The following TFAM variants were observed in gnomAD, a reference collection of about 807,000 sequenced individuals.
TFAM encodes the protein mitochondrial transcription factor 1.
Under a neutral mutation model 30.6 loss-of-function variants are expected in TFAM, and 13 were observed. The observed-to-expected ratio is 0.42, with a 90% CI of 0.28 to 0.67. The LOEUF is 0.67. Among genes scored for constraint, TFAM ranks in the 30% least tolerant of loss-of-function variants. The pLI, the probability that TFAM is intolerant of heterozygous loss-of-function variation, is 0.21. For synonymous variants in TFAM, 106 were observed against 94.8 expected (o/e 1.12, Z -0.69); for missense variants, 231 against 293.7 (o/e 0.79, Z 1.56).
At chr10:58,389,358 C>G (rs963270129) in intron 4 of TFAM, among the ~76,000 whole-genome samples, 3 of 151,940 alleles carry the variant, frequency 2.0e-5, no homozygotes, top group African/African-American at 7.3e-5. Context: ...TTGTAGTTCC[C>G]AGCTTAATGT....
rs1840740454 is a variant in TFAM at position 58,399,013 on chromosome 10, A to G, written c.*3939A>G. 1 of 152,236 alleles carries G rather than the reference A, an allele frequency of 6.6e-6. No individual in the cohort carries two copies. Among genetic ancestry groups the G allele is most frequent in the Non-Finnish European group, 1.5e-5 (1 of 68,044 alleles). The allele number at this position is 152,236 out of a possible 1,614,324, so 9.4% of individuals were successfully genotyped here. A position where few individuals can be genotyped will look rare whatever the true frequency, so the allele number is the denominator to read the frequency against. The stretch of plus-strand genomic sequence containing the variant: ...GTAAAATTTTCCAAAGTAAAACCAT[A>G]CAAAGCTAGTGTCAGTCTCTCTCAT... On this transcript the variant is annotated 3_prime_UTR_variant, in exon 7 of 7. Transcript: ENST00000487519.
chr10:58,388,117 C>A, intron 2 of TFAM, 73 bp from the exon 3 acceptor site: 2 of 1,205,726 alleles, frequency 1.7e-6, no homozygotes, highest in Non-Finnish European at 1.2e-6. Flanking sequence ...ATTGTGCTTT[C>A]CTGGATATCT....
At position 58,385,429 on chromosome 10, in the gene TFAM, G is replaced by C; in HGVS notation, c.-119G>C. On this transcript the variant is annotated 5_prime_UTR_variant, in exon 1 of 7. Transcript: ENST00000487519. ...TTTCCCATAGTGCCTCGCTAGTGGC[G>C]GGCATGATAACACACGCCGGAGGGT... 1.4e-6 allele frequency: 1 copy of C among 738,162 alleles called. No homozygotes were observed. 45.7% of individuals were successfully genotyped at this position (738,162 alleles called of 1,614,324 possible).
intron 2 of TFAM, among the ~76,000 whole-genome samples, chr10:58,387,258 G>A (rs1474658983): frequency 6.6e-6 from 1 of 152,042 alleles, no homozygotes; most frequent in Non-Finnish European, 1.5e-5. Context: ...GCGAGACCCT[G>A]TCTCAAAAAA....
intron 2 of TFAM, chr10:58,386,791 A>C (rs993220468): frequency 5.3e-5 from 42 of 786,386 alleles, no homozygotes; most frequent in African/African-American, 9.5e-5. Flanking sequence ...AGAAAGGATA[A>C]ACCTTTTCAT....
At chr10:58,393,405 T>G (rs903920150) in intron 5 of TFAM, among the ~76,000 whole-genome samples, 3 of 152,204 alleles carry the variant, frequency 2.0e-5, no homozygotes, top group African/African-American at 4.8e-5. Flanking sequence ...TTAAGTTGCT[T>G]TTAGGTTTTC....
intron 1 of TFAM, among the ~76,000 whole-genome samples, chr10:58,385,951 CA>C (rs1840480072): frequency 6.6e-6 from 1 of 152,230 alleles, no homozygotes; most frequent in South Asian, 2.1e-4. Context: ...ATCATCTAGG[CA>C]TTGAGGAGGC....
intron 2 of TFAM, 107 bp from the exon 3 acceptor site, chr10:58,388,080 CATT>C (rs1445484717): frequency 1.0e-5 from 8 of 799,022 alleles, no homozygotes; most frequent in Non-Finnish European, 1.7e-5. Flanking sequence ...AAAGTTAAAT[CATT>C]ATATTAAGTT....
chr10:58,397,202 A>G lies in TFAM; in HGVS notation c.*2128A>G, dbSNP rs1470049426. The G allele has an allele frequency of 6.6e-6, 1 of 152,222 alleles. No individual in the cohort carries two copies. The allele number at this position is 152,222 out of a possible 1,614,324, so 9.4% of individuals were successfully genotyped here. A position where few individuals can be genotyped will look rare whatever the true frequency, so the allele number is the denominator to read the frequency against. On this transcript the variant is annotated 3_prime_UTR_variant, in exon 7 of 7. Coordinates refer to ENST00000487519, the MANE Select transcript of TFAM (RefSeq NM_003201.3). ...AGAGCACATAGGAGTGTTTGTAATGAGGGGTATGTAATGATTGAGATAGAG... is the reference window on the plus strand; with the variant it reads ...AGAGCACATAGGAGTGTTTGTAATGGGGGGTATGTAATGATTGAGATAGAG...
intron 4 of TFAM, 102 bp from the exon 5 acceptor site, chr10:58,390,663 G>T: frequency 3.4e-6 from 3 of 895,122 alleles, no homozygotes; most frequent in Non-Finnish European, 5.4e-6. Flanking sequence ...TTCACTTTAA[G>T]GAATAATCTG....
chr10:58,389,226 G>A (rs1042387348), intron 4 of TFAM, among the ~76,000 whole-genome samples: 2 of 152,124 alleles, frequency 1.3e-5, no homozygotes, highest in African/African-American at 4.8e-5. Context: ...TGAGTAGACT[G>A]CATTAATTCA....
In TFAM at chr10:58,395,049, G is replaced by A. The variant is rs1200226416; in HGVS notation, c.716G>A (p.Arg239Gln). Reference sequence around the variant, plus strand: ...CTACGTCGCACAATAAAGAAACAACGAAAATATGGTGCTGAGGAGTGTTAA... The same window carrying A: ...CTACGTCGCACAATAAAGAAACAACAAAAATATGGTGCTGAGGAGTGTTAA... ...DLLRRTIKKQ[R>Q]KYGAEEC Residue 239 changes from arginine (R) to glutamine (Q), a missense_variant, in exon 7 of 7, where the codon CGA (arginine) becomes CAA (glutamine). By Grantham distance (43) the Arg-to-Gln change is conservative. Coordinates refer to ENST00000487519, the MANE Select transcript of TFAM (RefSeq NM_003201.3). 8 of 1,613,418 alleles carry A rather than the reference G, an allele frequency of 5.0e-6. No individual in the cohort carries two copies. Among genetic ancestry groups the A allele is most frequent in the African/African-American group, 4.0e-5 (3 of 74,900 alleles).
At chr10:58,390,938 T>A (rs45459597) in intron 5 of TFAM, 78 bp downstream of exon 5, 9 of 1,269,420 alleles carry the variant, frequency 7.1e-6, no homozygotes, top group African/African-American at 1.5e-5. Flanking sequence ...TGTCAGGTAG[T>A]GAAGAAAAGT....
chr10:58,391,093 A>AT (rs1027884871), intron 5 of TFAM, among the ~76,000 whole-genome samples: 2 of 151,670 alleles, frequency 1.3e-5, no homozygotes, highest in South Asian at 2.1e-4. Context: ...AATACTTAAC[A>AT]TTTTTTTTAA....
chr10:58,388,590 G>T, intron 3 of TFAM, 80 bp from the exon 4 acceptor site: 1 of 1,460,304 alleles, frequency 6.8e-7, no homozygotes, highest in Non-Finnish European at 9.6e-7. Context: ...CTGAAGTCAT[G>T]CAGTTGCCTT....
intron 4 of TFAM, among the ~76,000 whole-genome samples, chr10:58,390,117 A>G (rs900455581): frequency 6.6e-6 from 1 of 152,254 alleles, no homozygotes; most frequent in Non-Finnish European, 1.5e-5. Flanking sequence ...GTTACTGATT[A>G]TAGCCAAATT....
At chr10:58,386,813 A>C (rs909461200) in intron 2 of TFAM, 2 of 516,422 alleles carry the variant, frequency 3.9e-6, no homozygotes, top group Admixed American at 1.1e-4. Context: ...ATAGGAGTTC[A>C]GAGCCACTCT....
At position 58,388,254 on chromosome 10, in the gene TFAM, G is replaced by C. The variant is rs376044834; in HGVS notation, c.285G>C (p.Lys95Asn). Reference sequence around the variant, plus strand: ...GTTGGAGGGAACTTCCTGATTCAAAGAAAAAAGTAAGCACATAAGTTTTCA... The same window carrying C: ...GTTGGAGGGAACTTCCTGATTCAAACAAAAAAGTAAGCACATAAGTTTTCA... ...AQRWRELPDS[K>N]KKIYQDAYRA... is the part of the protein sequence containing the mutation. The change falls in exon 3 of 7, where the codon AAG becomes AAC. Residue 95 changes from lysine (K) to asparagine (N), a missense_variant. By Grantham distance (94) the Lys-to-Asn change is moderately conservative. Transcript: ENST00000487519. 1.9e-6 allele frequency: 3 copies of C among 1,613,558 alleles called. No homozygotes were observed. The African/African-American group carries it at 4.0e-5, about 22-fold the overall frequency.
chr10:58,398,835 T>C lies in TFAM; in HGVS notation c.*3761T>C, dbSNP rs1009239103. ...CTCCACTCACAGCCATTCTCCCTCC[T>C]TCTCTTCATAACATCAAGCTGTCAC... On this transcript the variant is annotated 3_prime_UTR_variant, in exon 7 of 7. Transcript: ENST00000487519. 10 of 152,308 alleles carry C rather than the reference T, an allele frequency of 6.6e-5. No homozygotes were observed. The highest frequency in any genetic ancestry group is 2.4e-4 in the African/African-American group (10 of 41,580). The allele number at this position is 152,308 out of a possible 1,614,324, so 9.4% of individuals were successfully genotyped here.
Sources: allele counts gnomAD v4.1 joint callset (sites outside exome capture counted in the v4.1 genomes callset), GRCh38; gene constraint gnomAD v4.1.1; transcripts MANE v1.5; gene names NCBI Gene and HGNC (gene_info 2026-07-23, HGNC 2026-07-21).